AGK: variants seen among roughly 807,000 people sequenced by gnomAD.
AGK encodes acylglycerol kinase, also known as acylglycerol kinase, mitochondrial.
AGK carries 52 observed loss-of-function variants against 66.4 expected under a neutral mutation model. The observed-to-expected ratio is 0.78, with a 90% CI of 0.63 to 0.99. The LOEUF is 0.99. AGK is among the 50% of genes least tolerant of loss of function. The pLI, the probability that AGK is intolerant of heterozygous loss-of-function variation, is 0.00. For synonymous variants in AGK, 182 were observed against 181.1 expected (o/e 1.00, Z -0.04); for missense variants, 451 against 506.6 (o/e 0.89, Z 1.05).
At chr7:141,558,235 G>A in intron 2 of AGK, among the ~76,000 whole-genome samples, 1 of 151,648 alleles carries the variant, frequency 6.6e-6, no homozygotes. Flanking sequence ...TTGGCTCACT[G>A]CAACCTCTGC....
At chr7:141,587,518 C>T (rs1313906905) in intron 2 of AGK, among the ~76,000 whole-genome samples, 1 of 152,306 alleles carries the variant, frequency 6.6e-6, no homozygotes, top group South Asian at 2.1e-4. Flanking sequence ...CCTCCCACAG[C>T]GGGTGGCCTC....
intron 5 of AGK, among the ~76,000 whole-genome samples, chr7:141,606,181 T>TC (rs1796456927): frequency 6.6e-6 from 1 of 152,230 alleles, no homozygotes; most frequent in Non-Finnish European, 1.5e-5. Context: ...CTTGGTTCTA[T>TC]CCCATGGGTT....
At chr7:141,579,665 A>G (rs1197755874) in intron 2 of AGK, among the ~76,000 whole-genome samples, 1 of 151,974 alleles carries the variant, frequency 6.6e-6, no homozygotes, top group East Asian at 1.9e-4. Flanking sequence ...AGCAGATGGA[A>G]CACTGAAAAT....
intron 9 of AGK, among the ~76,000 whole-genome samples, chr7:141,633,584 G>C (rs572259499): frequency 2.6e-5 from 4 of 152,266 alleles, no homozygotes; most frequent in Admixed American, 1.3e-4. Context: ...AGAAATTCTA[G>C]CTGACCTGAC....
intron 4 of AGK, among the ~76,000 whole-genome samples, chr7:141,597,720 A>G (rs2116928989): frequency 6.6e-6 from 1 of 151,934 alleles, no homozygotes; most frequent in East Asian, 1.9e-4. Context: ...AAATACAAAA[A>G]TTAGCTGAAA....
chr7:141,556,495 C>T (rs1217901324), intron 2 of AGK, among the ~76,000 whole-genome samples: 3 of 149,144 alleles, frequency 2.0e-5, no homozygotes, highest in Non-Finnish European at 4.4e-5. Flanking sequence ...GATCCCAGAT[C>T]GGGCCACTGC....
intron 1 of AGK, among the ~76,000 whole-genome samples, chr7:141,552,506 C>G (rs950334224): frequency 1.3e-5 from 2 of 152,156 alleles, no homozygotes; most frequent in African/African-American, 4.8e-5. Context: ...GAGACTCTTG[C>G]GGGAAGGGGC....
intron 4 of AGK, among the ~76,000 whole-genome samples, chr7:141,597,594 G>A (rs1432258049): frequency 6.6e-6 from 1 of 151,874 alleles, no homozygotes; most frequent in Non-Finnish European, 1.5e-5. Flanking sequence ...TAGCAGTTTG[G>A]GTGCAGTGGT....
At chr7:141,569,781 A>G (rs1795559455) in intron 2 of AGK, among the ~76,000 whole-genome samples, 1 of 152,206 alleles carries the variant, frequency 6.6e-6, no homozygotes, top group Non-Finnish European at 1.5e-5. Flanking sequence ...ATACAAAGCC[A>G]GATAGTCCTG....
intron 11 of AGK, among the ~76,000 whole-genome samples, chr7:141,637,666 T>C (rs1797202255): frequency 6.6e-6 from 1 of 152,172 alleles, no homozygotes; most frequent in Non-Finnish European, 1.5e-5. Context: ...ATCAAAGTGG[T>C]ATATTGATAG....
At chr7:141,642,263 G>A (rs1474877944) in intron 13 of AGK, among the ~76,000 whole-genome samples, 3 of 152,240 alleles carry the variant, frequency 2.0e-5, no homozygotes, top group Middle Eastern at 3.4e-3. Flanking sequence ...CACGATTTTT[G>A]TGACTGTACT....
chr7:141,643,581 A>G (rs1348219173), intron 13 of AGK, among the ~76,000 whole-genome samples: 2 of 152,202 alleles, frequency 1.3e-5, no homozygotes, highest in Non-Finnish European at 2.9e-5. Context: ...AGGATAAAGC[A>G]ATGAGAAATG....
At chr7:141,617,299 C>T (rs1198028651) in intron 8 of AGK, among the ~76,000 whole-genome samples, 2 of 152,166 alleles carry the variant, frequency 1.3e-5, no homozygotes, top group East Asian at 3.9e-4. Flanking sequence ...TGGCAACCCC[C>T]AGGGTCTGAG....
chr7:141,580,994 C>G (rs1169726015), intron 2 of AGK, among the ~76,000 whole-genome samples: 1 of 151,798 alleles, frequency 6.6e-6, no homozygotes, highest in Non-Finnish European at 1.5e-5. Flanking sequence ...GATGGCAAAA[C>G]CAGGTATCCA....
intron 13 of AGK, among the ~76,000 whole-genome samples, chr7:141,642,483 T>C (rs1321197817): frequency 6.6e-6 from 1 of 152,202 alleles, no homozygotes; most frequent in Non-Finnish European, 1.5e-5. Flanking sequence ...ACATTTCAAG[T>C]GCTCAACAGC....
intron 2 of AGK, among the ~76,000 whole-genome samples, chr7:141,570,921 A>G (rs1364944417): frequency 2.0e-5 from 3 of 152,016 alleles, no homozygotes; most frequent in South Asian, 4.1e-4. Flanking sequence ...TCTTCTTTTG[A>G]TAATATTTAC....
intron 9 of AGK, among the ~76,000 whole-genome samples, chr7:141,628,530 A>G (rs1796988772): frequency 6.6e-6 from 1 of 152,220 alleles, no homozygotes. Context: ...CAACCCTATT[A>G]AACATATATC....
intron 2 of AGK, among the ~76,000 whole-genome samples, chr7:141,592,734 C>G (rs915558336): frequency 6.6e-6 from 1 of 151,928 alleles, no homozygotes; most frequent in Non-Finnish European, 1.5e-5. Context: ...AGCAGAGTCT[C>G]GCTCTGTCGC....
chr7:141,621,625 A>T, intron 8 of AGK, 107 bp from the exon 9 acceptor site: 1 of 753,024 alleles, frequency 1.3e-6, no homozygotes, highest in Non-Finnish European at 2.3e-6. Flanking sequence ...AGAGAGAATG[A>T]GAGAGAATAT....
Sources: gnomAD v4.1 joint callset for allele counts (sites outside exome capture counted in the v4.1 genomes callset) on GRCh38, gnomAD v4.1.1 for gene constraint, MANE v1.5 for transcripts, NCBI Gene and HGNC (gene_info 2026-07-23, HGNC 2026-07-21) for gene names.